Variants in IL1RAP observed in about 807,000 individuals in gnomAD.
IL1RAP encodes the protein interleukin-1 receptor accessory protein.
Under a neutral mutation model 60.7 loss-of-function variants are expected in IL1RAP, and 35 were observed. The observed-to-expected ratio is 0.58, with a 90% confidence interval of 0.44 to 0.76. The LOEUF (loss-of-function observed/expected upper bound fraction) is 0.76. IL1RAP is among the 30% of genes least tolerant of loss of function. The pLI is 0.00. For synonymous variants in IL1RAP, 268 were observed against 250.9 expected, an observed-to-expected ratio of 1.07 and a Z score of -0.64; for missense variants, 572 against 693.9, an observed-to-expected ratio of 0.82 and a Z score of 1.97.
chr3:190,532,672 A>T (rs1723092933), intron 1 of IL1RAP, among the ~76,000 whole-genome samples: 2 of 152,180 alleles, frequency 1.3e-5, no homozygotes, highest in Non-Finnish European at 2.9e-5. Context: ...TGTAAAGCTC[A>T]TGATGAAACC....
chr3:190,526,951 AG>A (rs1722563842), intron 1 of IL1RAP, among the ~76,000 whole-genome samples: 1 of 152,242 alleles, frequency 6.6e-6, no homozygotes, highest in African/African-American at 2.4e-5. Flanking sequence ...ATAGGAAGGA[AG>A]GCCAGTTCTG....
chr3:190,567,606 G>T (rs1726530618), intron 3 of IL1RAP, among the ~76,000 whole-genome samples: 1 of 151,834 alleles, frequency 6.6e-6, no homozygotes, highest in African/African-American at 2.4e-5. Context: ...CTCCAGTTGG[G>T]GTCTATTAGA....
chr3:190,600,090 A>T (rs1372423975), intron 3 of IL1RAP, among the ~76,000 whole-genome samples: 1 of 151,812 alleles, frequency 6.6e-6, no homozygotes, highest in Admixed American at 6.6e-5. Context: ...ATCTGCTCAG[A>T]TTTAAGAAGA....
chr3:190,567,743 T>C (rs1160668617), intron 3 of IL1RAP, among the ~76,000 whole-genome samples: 3 of 152,206 alleles, frequency 2.0e-5, no homozygotes, highest in African/African-American at 7.2e-5. Context: ...TACACGCTTA[T>C]CCTGCCCCCT....
rs1734305977 is a variant in IL1RAP at position 190,650,087 on chromosome 3, T to G, written c.*1382T>G. 1 of 767,520 alleles carries G rather than the reference T, an allele frequency of 1.3e-6. No individual in the cohort carries two copies. Among genetic ancestry groups the G allele is most frequent in the African/African-American group, 1.9e-5 (1 of 52,532 alleles). The allele number at this position is 767,520 out of a possible 1,614,324, so 47.5% of individuals were successfully genotyped here. A position where few individuals can be genotyped will look rare whatever the true frequency, so the allele number is the denominator to read the frequency against. On this transcript the variant is annotated 3_prime_UTR_variant, in exon 12 of 12. Transcript: ENST00000447382. ...TATATATATATATATAATTTGTGTG[T>G]GTGTATGTGTATGTATATGACTTTA...
chr3:190,656,094 G>T (rs1560251519), downstream of IL1RAP: 1 of 1,537,280 alleles, frequency 6.5e-7, no homozygotes, highest in East Asian at 2.4e-5. Flanking sequence ...AGCTCAAAGA[G>T]TCTGTGTCTT....
intron 1 of IL1RAP, among the ~76,000 whole-genome samples, chr3:190,520,232 A>G (rs1721893255): frequency 6.6e-6 from 1 of 152,200 alleles, no homozygotes; most frequent in Non-Finnish European, 1.5e-5. Flanking sequence ...AGTGACTCAT[A>G]CATAAGAAGG....
At chr3:190,659,701 T>C (rs1436851458) in exon 12 of IL1RAP, 5 of 152,214 alleles carry the variant, frequency 3.3e-5, no homozygotes, top group African/African-American at 1.2e-4. Context: ...ATGGTCTCTC[T>C]GAGCCTCAAT....
intron 4 of IL1RAP, among the ~76,000 whole-genome samples, chr3:190,607,047 G>T (rs576415121): frequency 6.6e-6 from 1 of 152,128 alleles, no homozygotes; most frequent in South Asian, 2.1e-4. Flanking sequence ...TTATTTGTAG[G>T]TAGGGGTCAT....
chr3:190,595,856 T>C lies in IL1RAP; in HGVS notation c.65-8272T>C, dbSNP rs1174471404. ...CTGTTTAGAAACCTGTTATGACAAT[T>C]GGTTGATTTCATTCAGTTAACTCTA... On this transcript the variant is annotated intron_variant, in intron 3 of 11. Transcript: ENST00000447382. 3.9e-5 allele frequency among the ~76,000 whole-genome samples: 6 copies of C among 152,342 alleles called. No homozygotes were observed. In the South Asian group the frequency reaches 1.0e-3, roughly 26 times the overall value.
intron 1 of IL1RAP, among the ~76,000 whole-genome samples, chr3:190,541,875 A>C (rs1723964240): frequency 6.6e-6 from 1 of 152,148 alleles, no homozygotes; most frequent in African/African-American, 2.4e-5. Flanking sequence ...CTGGATGAGA[A>C]GTGGAGAATT....
chr3:190,645,004 C>T (rs1006786562), intron 10 of IL1RAP, among the ~76,000 whole-genome samples: 3 of 152,178 alleles, frequency 2.0e-5, no homozygotes, highest in Non-Finnish European at 4.4e-5. Flanking sequence ...GAATCTTAGA[C>T]CTAGCCCCTA....
At chr3:190,659,694 G>T (rs945635980) in exon 12 of IL1RAP, 2 of 152,078 alleles carry the variant, frequency 1.3e-5, no homozygotes, top group African/African-American at 2.4e-5. Context: ...TTTGAACATG[G>T]TCTCTCTGAG....
At chr3:190,586,368 A>G (rs1197987003) in intron 3 of IL1RAP, among the ~76,000 whole-genome samples, 1 of 152,154 alleles carries the variant, frequency 6.6e-6, no homozygotes, top group Non-Finnish European at 1.5e-5. Flanking sequence ...TTATTGATTG[A>G]AGGACATGCC....
intron 9 of IL1RAP, among the ~76,000 whole-genome samples, chr3:190,631,960 G>A (rs1012033572): frequency 6.6e-5 from 10 of 151,864 alleles, no homozygotes; most frequent in East Asian, 3.9e-4. Context: ...GTGCCACCAC[G>A]CCTGGCTAAT....
intron 5 of IL1RAP, among the ~76,000 whole-genome samples, chr3:190,619,133 A>G (rs192883881): frequency 2.6e-5 from 4 of 152,364 alleles, no homozygotes; most frequent in African/African-American, 7.2e-5. Context: ...ATTTAAAAGA[A>G]AAACAAAAGC....
chr3:190,632,974 C>T (rs1484948824), intron 9 of IL1RAP, among the ~76,000 whole-genome samples: 1 of 152,150 alleles, frequency 6.6e-6, no homozygotes, highest in African/African-American at 2.4e-5. Context: ...GCCACTTTAT[C>T]CTGGTTAACA....
At chr3:190,564,526 A>C (rs1577604007) in intron 3 of IL1RAP, 173 bp downstream of exon 3, 2 of 625,628 alleles carry the variant, frequency 3.2e-6, no homozygotes, top group South Asian at 3.6e-5. Flanking sequence ...GGAAAGAACC[A>C]TTGCTGTCTC....
rs1473195003 is a variant in IL1RAP, at chr3:190,650,523, A to C, written c.*1818A>C. 1.0e-6 allele frequency: 1 copy of C among 980,086 alleles called. No homozygotes were observed. The highest frequency in any genetic ancestry group is 1.1e-4 in the East Asian group (1 of 8,806). The allele number at this position is 980,086 out of a possible 1,614,324, so 60.7% of individuals were successfully genotyped here. On this transcript the variant is annotated 3_prime_UTR_variant, in exon 12 of 12. Transcript: ENST00000447382. Reference sequence around the variant, plus strand: ...TCTTGGTATCCTGTGAAACAGAATAATTCGTAATTTAAGAAAGCCCTTATC... The same window carrying C: ...TCTTGGTATCCTGTGAAACAGAATACTTCGTAATTTAAGAAAGCCCTTATC...
Sources: allele counts gnomAD v4.1 joint callset (sites outside exome capture counted in the v4.1 genomes callset), GRCh38; gene constraint gnomAD v4.1.1; transcripts MANE v1.5; gene names NCBI Gene and HGNC (gene_info 2026-07-23, HGNC 2026-07-21).